The following PHACTR1 variants were observed in gnomAD, a reference collection of about 807,000 sequenced individuals.
PHACTR1 encodes phosphatase and actin regulator 1.
In PHACTR1, 16 loss-of-function variants were observed where a neutral mutation model predicts 69.2. The ratio of observed to expected loss-of-function variants is 0.23; its 90% CI spans 0.16 to 0.35. PHACTR1 has a LOEUF of 0.35. Among genes scored for constraint, PHACTR1 ranks in the 10% least tolerant of loss-of-function variants. The pLI, the probability that PHACTR1 is intolerant of heterozygous loss-of-function variation, is 1.00. For missense variants in PHACTR1, 510 were observed against 734.7 expected, an observed-to-expected ratio of 0.69 and a Z score of 3.54; for synonymous variants, 312 against 284.5, an observed-to-expected ratio of 1.10 and a Z score of -0.97.
intron 10 of PHACTR1, among the ~76,000 whole-genome samples, chr6:13,256,710 T>C (rs755214701): frequency 2.6e-5 from 4 of 152,214 alleles, no homozygotes; most frequent in Non-Finnish European, 4.4e-5. Flanking sequence ...TACTAAAGCA[T>C]AACAGAAGTG....
At chr6:13,235,410 A>G (rs1018728619) in intron 10 of PHACTR1, among the ~76,000 whole-genome samples, 2 of 152,176 alleles carry the variant, frequency 1.3e-5, no homozygotes, top group Non-Finnish European at 2.9e-5. Flanking sequence ...AATTGAACAT[A>G]CTACTCCAAA....
intron 13 of PHACTR1, among the ~76,000 whole-genome samples, chr6:13,284,892 C>T (rs1167570773): frequency 6.6e-6 from 1 of 152,130 alleles, no homozygotes; most frequent in Non-Finnish European, 1.5e-5. Context: ...AACCCACAGA[C>T]ACCATGTGTG....
At chr6:12,957,855 G>A in intron 4 of PHACTR1, 2 of 985,534 alleles carry the variant, frequency 2.0e-6, no homozygotes, top group South Asian at 4.7e-5. Context: ...GGCCGGGAAG[G>A]AAGGCGAAGG....
At chr6:12,815,790 T>G (rs1029637758) in intron 4 of PHACTR1, among the ~76,000 whole-genome samples, 2 of 152,238 alleles carry the variant, frequency 1.3e-5, no homozygotes, top group Admixed American at 6.5e-5. Flanking sequence ...GTTACTTAAC[T>G]GAACACCAAA....
At chr6:12,955,082 G>A (rs1791717871) in intron 4 of PHACTR1, among the ~76,000 whole-genome samples, 1 of 151,698 alleles carries the variant, frequency 6.6e-6, no homozygotes, top group Non-Finnish European at 1.5e-5. Flanking sequence ...ATAATGTTTT[G>A]GGTATATGGG....
chr6:13,105,172 G>A (rs1419704942), intron 5 of PHACTR1, among the ~76,000 whole-genome samples: 1 of 152,156 alleles, frequency 6.6e-6, no homozygotes, highest in African/African-American at 2.4e-5. Flanking sequence ...GCTTGAGCGA[G>A]TTTGAGACCA....
At chr6:12,824,628 G>T (rs918889700) in intron 4 of PHACTR1, among the ~76,000 whole-genome samples, 1 of 152,198 alleles carries the variant, frequency 6.6e-6, no homozygotes, top group Non-Finnish European at 1.5e-5. Flanking sequence ...GTGAAGAAAG[G>T]CATGGAGGCT....
chr6:13,210,916 T>TC (rs1562000979), intron 8 of PHACTR1, among the ~76,000 whole-genome samples: 1 of 138,356 alleles, frequency 7.2e-6, no homozygotes, highest in Non-Finnish European at 1.5e-5. Context: ...CATTTCTTTT[T>TC]TTTTTTTTTT....
intron 5 of PHACTR1, among the ~76,000 whole-genome samples, chr6:13,095,477 A>G (rs979310106): frequency 6.6e-6 from 1 of 152,132 alleles, no homozygotes; most frequent in Non-Finnish European, 1.5e-5. Context: ...TACCTAGCAG[A>G]GTATTCTGTT....
rs1342318679 is a variant in PHACTR1, at chr6:13,231,426, C to T, written c.1391+1233C>T. ...GAAAGAAGGAAAGAGAAAGAGAGAG[C>T]GAAAGAGAAGGAGGGAGGGAGGAAG... On this transcript the variant is annotated intron_variant, in intron 10 of 14. Coordinates refer to ENST00000332995, the MANE Select transcript of PHACTR1 (RefSeq NM_030948.6). 2.2e-4 allele frequency among the ~76,000 whole-genome samples: 8 copies of T among 37,082 alleles called. 1 individual carries two copies. In the South Asian group the frequency reaches 3.6e-3, roughly 17 times the overall value. The allele number at this position is 37,082 out of a possible 152,430, so 24.3% of individuals were successfully genotyped here.
At chr6:12,805,759 C>T (rs1248891839) in intron 4 of PHACTR1, among the ~76,000 whole-genome samples, 1 of 152,060 alleles carries the variant, frequency 6.6e-6, no homozygotes, top group African/African-American at 2.4e-5. Flanking sequence ...CACCACCACT[C>T]CTAACTAATT....
chr6:13,053,930 G>A (rs571788048), intron 5 of PHACTR1, among the ~76,000 whole-genome samples: 4 of 152,322 alleles, frequency 2.6e-5, no homozygotes, highest in Admixed American at 2.6e-4. Context: ...TGGCAGATAA[G>A]AATAGGTTAT....
chr6:13,141,494 G>A (rs1355833603), intron 5 of PHACTR1, among the ~76,000 whole-genome samples: 3 of 152,114 alleles, frequency 2.0e-5, no homozygotes, highest in African/African-American at 4.8e-5. Context: ...AAAAATACTC[G>A]TCAAAAACAA....
chr6:13,270,008 T>A (rs1449177425), intron 10 of PHACTR1, among the ~76,000 whole-genome samples: 1 of 152,192 alleles, frequency 6.6e-6, no homozygotes, highest in East Asian at 1.9e-4. Context: ...TGGGACAGTG[T>A]CAGATCACAC....
chr6:13,155,923 G>A (rs1299573812), intron 5 of PHACTR1, among the ~76,000 whole-genome samples: 1 of 151,788 alleles, frequency 6.6e-6, no homozygotes, highest in African/African-American at 2.4e-5. Flanking sequence ...TTACAGGGAA[G>A]AAAGAAGCTC....
At chr6:12,989,098 T>C (rs953618702) in intron 4 of PHACTR1, among the ~76,000 whole-genome samples, 3 of 152,348 alleles carry the variant, frequency 2.0e-5, no homozygotes, top group Middle Eastern at 3.4e-3. Flanking sequence ...GCCTATCTTA[T>C]AACGTTGAAT....
intron 4 of PHACTR1, among the ~76,000 whole-genome samples, chr6:12,826,890 G>A (rs1776861031): frequency 6.6e-6 from 1 of 152,180 alleles, no homozygotes; most frequent in Non-Finnish European, 1.5e-5. Context: ...ACTGTAGAAG[G>A]ACCAACGAGT....
At chr6:12,838,696 A>T (rs1778404605) in intron 4 of PHACTR1, among the ~76,000 whole-genome samples, 1 of 152,240 alleles carries the variant, frequency 6.6e-6, no homozygotes, top group African/African-American at 2.4e-5. Context: ...AAAAGCACTC[A>T]TGAAATATGG....
chr6:13,011,813 G>C (rs1443552803), intron 4 of PHACTR1, among the ~76,000 whole-genome samples: 1 of 152,178 alleles, frequency 6.6e-6, no homozygotes, highest in East Asian at 1.9e-4. Context: ...GTTTGGAGGA[G>C]GGACCCAAGG....
Sources: gnomAD v4.1 joint callset for allele counts (sites outside exome capture counted in the v4.1 genomes callset) on GRCh38, gnomAD v4.1.1 for gene constraint, MANE v1.5 for transcripts, NCBI Gene and HGNC (gene_info 2026-07-23, HGNC 2026-07-21) for gene names.